Variants in MAGEA12 observed in about 807,000 individuals in gnomAD.
MAGEA12 encodes MAGE family member A12.
For synonymous variants in MAGEA12, 135 were observed against 104.7 expected (o/e 1.29, Z -1.77); for missense variants, 235 against 240.1 (o/e 0.98, Z 0.14).
chrX:152,736,270 G>A lies in MAGEA12; in HGVS notation c.109G>A (p.Glu37Lys). The part of the protein sequence containing the change: ...GAQAPATEEQ[E>K]TASSSSTLVE... ...GCAGGCTCCTGCTACTGAGGAGCAGGAGACTGCCTCCTCCTCCTCTACTCT... is the reference window on the plus strand; with the variant it reads ...GCAGGCTCCTGCTACTGAGGAGCAGAAGACTGCCTCCTCCTCCTCTACTCT... Residue 37 changes from glutamate (E) to lysine (K), a missense_variant, in exon 3 of 3, where the codon GAG (glutamate) becomes AAG (lysine). Glu to Lys is a moderately conservative substitution (Grantham distance 56). Coordinates refer to ENST00000393869, the MANE Select transcript of MAGEA12 (RefSeq NM_001166387.4). 8.3e-7 allele frequency: 1 copy of A among 1,211,647 alleles called. No homozygotes were observed. Among genetic ancestry groups the A allele is most frequent in the Non-Finnish European group, 1.1e-6 (1 of 895,428 alleles).
In MAGEA12 at chrX:152,737,574, C is replaced by A. The variant is rs1244123624; in HGVS notation, c.*468C>A. 2.6e-5 allele frequency: 5 copies of A among 194,300 alleles called. No homozygotes were observed. The Admixed American group carries it at 3.4e-4, about 13-fold the overall frequency. 16.0% of individuals were successfully genotyped at this position (194,300 alleles called of 1,213,427 possible). ...AAAGATACTTAATTCTTGCCTTATACCTCACTCTATTCTGTAAATTTGAAA... is the reference window on the plus strand; with the variant it reads ...AAAGATACTTAATTCTTGCCTTATAACTCACTCTATTCTGTAAATTTGAAA... On this transcript the variant is annotated 3_prime_UTR_variant, in exon 3 of 3. Coordinates refer to ENST00000393869, the MANE Select transcript of MAGEA12 (RefSeq NM_001166387.4).
intron 2 of MAGEA12, 101 bp from the exon 3 acceptor site, chrX:152,735,986 A>T (rs1354318598): frequency 6.1e-6 from 3 of 493,679 alleles, no homozygotes; most frequent in South Asian, 3.3e-5. Context: ...AACACATGGG[A>T]CTCCAGAGCG....
At position 152,737,603 on chromosome X, in the gene MAGEA12, AAG is replaced by A. The variant is rs1932358130; in HGVS notation, c.*498_*499del. 2 of 188,065 alleles carry A rather than the reference AAG, an allele frequency of 1.1e-5. No homozygotes were observed. Among genetic ancestry groups the A allele is most frequent in the Non-Finnish European group, 2.1e-5 (2 of 96,057 alleles). 15.5% of individuals were successfully genotyped at this position (188,065 alleles called of 1,213,427 possible). A position where few individuals can be genotyped will look rare whatever the true frequency, so the allele number is the denominator to read the frequency against. On this transcript the variant is annotated 3_prime_UTR_variant, in exon 3 of 3. Coordinates refer to ENST00000393869, the MANE Select transcript of MAGEA12 (RefSeq NM_001166387.4). Reference sequence around the variant, plus strand: ...ACTCTATTCTGTAAATTTGAAAAAAAAGCATGGATACCTGGATATCCTTGGCT... The same window carrying A: ...ACTCTATTCTGTAAATTTGAAAAAAACATGGATACCTGGATATCCTTGGCT...
At chrX:152,734,769 A>G (rs2124973243) in intron 1 of MAGEA12, among the ~76,000 whole-genome samples, 1 of 112,365 alleles carries the variant, frequency 8.9e-6, no homozygotes, top group Non-Finnish European at 1.9e-5. Flanking sequence ...GAATCCCAGG[A>G]TCTGCCGGAC....
At position 152,737,238 on chromosome X, in the gene MAGEA12, C is replaced by A; in HGVS notation, c.*132C>A. 1.5e-6 allele frequency: 1 copy of A among 678,587 alleles called. No individual in the cohort carries two copies. Among genetic ancestry groups the A allele is most frequent in the Admixed American group, 2.4e-5 (1 of 41,111 alleles). 55.9% of individuals were successfully genotyped at this position (678,587 alleles called of 1,213,427 possible). On this transcript the variant is annotated 3_prime_UTR_variant, in exon 3 of 3. Transcript: ENST00000393869. ...TTCTTCACTCTTTGAAGAGAGCAGTCAGTATTGTTAGTAGTGAGTTTCTGT... is the reference window on the plus strand; with the variant it reads ...TTCTTCACTCTTTGAAGAGAGCAGTAAGTATTGTTAGTAGTGAGTTTCTGT...
intron 2 of MAGEA12, 91 bp from the exon 3 acceptor site, chrX:152,735,996 G>A (rs1404903425): frequency 1.5e-5 from 8 of 529,905 alleles, no homozygotes; most frequent in East Asian, 3.6e-5. Context: ...ACTCCAGAGC[G>A]CCTGGCCTCA....
At position 152,736,570 on chromosome X, in the gene MAGEA12, G is replaced by A. The variant is rs1932330275; in HGVS notation, c.409G>A (p.Gly137Arg). 4.1e-6 allele frequency: 5 copies of A among 1,210,031 alleles called. No homozygotes were observed. Among genetic ancestry groups the A allele is most frequent in the African/African-American group, 1.8e-5 (1 of 57,065 alleles). Residue 137 changes from glycine to arginine, a missense_variant, in exon 3 of 3, where the codon GGG becomes AGG. Physicochemically the swap from Gly to Arg is moderately radical, Grantham distance 125. Transcript: ENST00000393869. Reference sequence around the variant, plus strand: ...GCCATTCACAAAGGCAGAAATGCTGGGGAGTGTCATCAGAAATTTCCAGGA... The same window carrying A: ...GCCATTCACAAAGGCAGAAATGCTGAGGAGTGTCATCAGAAATTTCCAGGA... ...REPFTKAEMLGSVIRNFQDFF... is the reference protein window; with the variant it reads ...REPFTKAEMLRSVIRNFQDFF...
At chrX:152,734,522 G>A (rs112210250) in intron 1 of MAGEA12, among the ~76,000 whole-genome samples, 1,344 of 111,193 alleles carry the variant, frequency 0.012, 30 homozygotes, top group African/African-American at 0.041. Flanking sequence ...ATTCGGCCGC[G>A]GGAATCCTAG....
rs782378784 is a variant in MAGEA12, at chrX:152,737,054, A to G, written c.893A>G (p.His298Arg). The G allele has an allele frequency of 5.8e-5, 70 of 1,209,879 alleles. No homozygotes were observed. The highest frequency in any genetic ancestry group is 4.6e-4 in the Middle Eastern group (2 of 4,374). ...HHLLKISGGP[H>R]ISYPPLHEWA... The stretch of plus-strand genomic sequence containing the variant: ...TTGCTAAAGATCAGTGGAGGACCTC[A>G]CATTTCCTACCCACCCCTGCATGAA... The change falls in exon 3 of 3, where the codon CAC (histidine) becomes CGC (arginine). Residue 298 changes from histidine to arginine, a missense_variant. Transcript: ENST00000393869.
At chrX:152,734,136 C>T (rs1447741326) in intron 1 of MAGEA12, 1 of 33,136 alleles carries the variant, frequency 3.0e-5, no homozygotes, top group African/African-American at 7.5e-5. Context: ...CTGAGGGTAA[C>T]CCCCCGCACC....
intron 1 of MAGEA12, among the ~76,000 whole-genome samples, chrX:152,734,404 C>G (rs1456731824): frequency 1.8e-5 from 2 of 111,313 alleles, no homozygotes; most frequent in Non-Finnish European, 3.8e-5. Flanking sequence ...CTTTGGGAAG[C>G]AGAGGATGGG....
In MAGEA12 at chrX:152,736,343, C is replaced by T. The variant is rs781892341; in HGVS notation, c.182C>T (p.Pro61Leu). The T allele has an allele frequency of 8.3e-7, 1 of 1,211,632 alleles. No homozygotes were observed. The highest frequency in any genetic ancestry group is 2.2e-5 in the Admixed American group (1 of 46,069). The change falls in exon 3 of 3, where the codon CCT (proline) becomes CTT (leucine). Residue 61 changes from proline to leucine, a missense_variant. By Grantham distance (98) the Pro-to-Leu change is moderately conservative (BLOSUM62 -3). Coordinates refer to ENST00000393869, the MANE Select transcript of MAGEA12 (RefSeq NM_001166387.4). ...REVPAAESPS[P>L]PHSPQGASTL... ...GTGCCTGCTGCCGAGTCACCAAGTC[C>T]TCCCCACAGTCCTCAGGGAGCCTCC... is the stretch of plus-strand genomic sequence containing the variant.
Position 152,736,593 on chromosome X carries a change from G to A in MAGEA12, c.432G>A (p.Gln144=), listed in dbSNP as rs782076671. The A allele has an allele frequency of 1.7e-6, 2 of 1,211,783 alleles. No individual in the cohort carries two copies. The highest frequency in any genetic ancestry group is 2.2e-5 in the Admixed American group (1 of 46,041). Residue 144 remains glutamine (Q), a synonymous_variant, in exon 3 of 3, where the codon CAG becomes CAA. Transcript: ENST00000393869. Reference sequence around the variant, plus strand: ...TGGGGAGTGTCATCAGAAATTTCCAGGACTTCTTTCCTGTGATCTTCAGCA... The same window carrying A: ...TGGGGAGTGTCATCAGAAATTTCCAAGACTTCTTTCCTGTGATCTTCAGCA... ...EMLGSVIRNF[Q]DFFPVIFSKA...
Position 152,736,410 on chromosome X carries a change from C to G in MAGEA12, c.249C>G (p.Ser83=). ...TCAACTATACTCTCTGGAGTCAATC[C>G]GATGAGGGCTCCAGCAACGAAGAAC... The part of the protein sequence containing the change: ...TTINYTLWSQ[S]DEGSSNEEQE... Residue 83 remains serine (S), a synonymous_variant, in exon 3 of 3, where the codon TCC becomes TCG. Coordinates refer to ENST00000393869, the MANE Select transcript of MAGEA12 (RefSeq NM_001166387.4). 8.3e-7 allele frequency: 1 copy of G among 1,211,460 alleles called. No individual in the cohort carries two copies. Among genetic ancestry groups the G allele is most frequent in the Non-Finnish European group, 1.1e-6 (1 of 895,308 alleles).
chrX:152,737,610 G>T lies in MAGEA12; in HGVS notation c.*504G>T. The T allele has an allele frequency of 5.4e-6, 1 of 185,774 alleles. No homozygotes were observed. The allele number at this position is 185,774 out of a possible 1,213,427, so 15.3% of individuals were successfully genotyped here. A position where few individuals can be genotyped will look rare whatever the true frequency, so the allele number is the denominator to read the frequency against. ...TCTGTAAATTTGAAAAAAAAGCATG[G>T]ATACCTGGATATCCTTGGCTTCTTT... On this transcript the variant is annotated 3_prime_UTR_variant, in exon 3 of 3. Transcript: ENST00000393869.
In MAGEA12 at chrX:152,736,257, T is replaced by C. The variant is rs1603456770; in HGVS notation, c.96T>C (p.Ala32=). The change falls in exon 3 of 3, where the codon GCT becomes GCC. Residue 32 remains alanine (A), a synonymous_variant. Transcript: ENST00000393869. ...ALGLVGAQAP[A]TEEQETASSS... ...GCTTGGTGGGTGCGCAGGCTCCTGC[T>C]ACTGAGGAGCAGGAGACTGCCTCCT... 8.3e-7 allele frequency: 1 copy of C among 1,209,763 alleles called. No homozygotes were observed. The highest frequency in any genetic ancestry group is 1.8e-5 in the South Asian group (1 of 56,756).
At position 152,736,548 on chromosome X, in the gene MAGEA12, A is replaced by C. The variant is rs373163575; in HGVS notation, c.387A>C (p.Pro129=). The C allele has an allele frequency of 1.2e-5, 15 of 1,210,308 alleles. No individual in the cohort carries two copies. In the African/African-American group the frequency reaches 2.3e-4, roughly 18 times the overall value. The change falls in exon 3 of 3, where the codon CCA becomes CCC. Residue 129 remains proline (P), a synonymous_variant. Coordinates refer to ENST00000393869, the MANE Select transcript of MAGEA12 (RefSeq NM_001166387.4). ...TCCTCAAGTATCGAGCCAGGGAGCCATTCACAAAGGCAGAAATGCTGGGGA... is the reference window on the plus strand; with the variant it reads ...TCCTCAAGTATCGAGCCAGGGAGCCCTTCACAAAGGCAGAAATGCTGGGGA... ...FLLLKYRARE[P]FTKAEMLGSV...
chrX:152,735,935 G>A (rs146599301), intron 2 of MAGEA12, among the ~76,000 whole-genome samples, 152 bp from the exon 3 acceptor site: 1,581 of 112,658 alleles, frequency 0.014, 34 homozygotes, highest in African/African-American at 0.048. Context: ...CAACACTGAA[G>A]GTTTGCCTTG....
chrX:152,734,718 G>A (rs191746642), intron 1 of MAGEA12, among the ~76,000 whole-genome samples: 1 of 112,119 alleles, frequency 8.9e-6, no homozygotes, highest in African/African-American at 3.2e-5. Flanking sequence ...AGATTTGCGG[G>A]CTGTGGTCTG....
Sources: allele counts gnomAD v4.1 joint callset (sites outside exome capture counted in the v4.1 genomes callset), GRCh38; gene constraint gnomAD v4.1.1; transcripts MANE v1.5; gene names NCBI Gene and HGNC (gene_info 2026-07-23, HGNC 2026-07-21).